Variants in PRKCA observed in about 807,000 individuals in gnomAD.
PRKCA encodes protein kinase C alpha.
Under a neutral mutation model 87.0 loss-of-function variants are expected in PRKCA, and 27 were observed. That is an observed-to-expected ratio of 0.31 (90% CI 0.23 to 0.43). The LOEUF is 0.43. Among genes scored for constraint, PRKCA ranks in the 20% least tolerant of loss-of-function variants. The pLI, the probability that PRKCA is intolerant of heterozygous loss-of-function variation, is 1.00. For synonymous variants in PRKCA, 329 were observed against 311.1 expected (o/e 1.06, Z -0.61); for missense variants, 518 against 852.3 (o/e 0.61, Z 4.88).
At chr17:66,664,296 A>G (rs1180384607) in intron 5 of PRKCA, among the ~76,000 whole-genome samples, 1 of 152,126 alleles carries the variant, frequency 6.6e-6, no homozygotes, top group Admixed American at 6.5e-5. Context: ...CCAAGGCCCA[A>G]AGACCACCAA....
chr17:66,762,900 C>T (rs943868960), intron 13 of PRKCA, among the ~76,000 whole-genome samples: 17 of 152,232 alleles, frequency 1.1e-4, no homozygotes, highest in East Asian at 5.8e-4. Context: ...AAGCGATTCT[C>T]CTGCCTCAGC....
intron 5 of PRKCA, among the ~76,000 whole-genome samples, chr17:66,658,596 T>C (rs1971802094): frequency 6.6e-6 from 1 of 152,164 alleles, no homozygotes; most frequent in Admixed American, 6.5e-5. Context: ...CAAGGTGAGA[T>C]TTGGGTGGGG....
intron 2 of PRKCA, among the ~76,000 whole-genome samples, chr17:66,478,460 G>A (rs1915629711): frequency 6.6e-6 from 1 of 152,042 alleles, no homozygotes; most frequent in Admixed American, 6.6e-5. Flanking sequence ...CACCATGTTG[G>A]TCAGGCTGGT....
In PRKCA at chr17:66,493,446, G is replaced by A. The variant is rs189099632; in HGVS notation, c.206-2755G>A. 2.0e-4 allele frequency among the ~76,000 whole-genome samples: 30 copies of A among 152,038 alleles called. No individual in the cohort carries two copies. In the South Asian group the frequency reaches 2.9e-3, roughly 15 times the overall value. Reference sequence around the variant, plus strand: ...GCATATGACATGATGAAAGGACGGGGGGCTGTGGTGTCCAGCAACTCTTAG... The same window carrying A: ...GCATATGACATGATGAAAGGACGGGAGGCTGTGGTGTCCAGCAACTCTTAG... On this transcript the variant is annotated intron_variant, in intron 2 of 16. Transcript: ENST00000413366.
chr17:66,737,938 C>G (rs4287604), intron 10 of PRKCA, among the ~76,000 whole-genome samples: 34,713 of 152,160 alleles, frequency 0.23, 4,597 homozygotes, highest in Middle Eastern at 0.32. Context: ...GCTATTAGCA[C>G]CAGCTTCATC....
intron 3 of PRKCA, among the ~76,000 whole-genome samples, chr17:66,618,737 T>A (rs1567935340): frequency 6.6e-6 from 1 of 152,204 alleles, no homozygotes; most frequent in Non-Finnish European, 1.5e-5. Context: ...ATGTTCAAAT[T>A]CTGTACTACA....
chr17:66,302,668 C>A lies in PRKCA; in HGVS notation c.-184C>A. 1 of 206,130 alleles carries A rather than the reference C, an allele frequency of 4.9e-6. No individual in the cohort carries two copies. The highest frequency in any genetic ancestry group is 1.5e-4 in the South Asian group (1 of 6,682). The allele number at this position is 206,130 out of a possible 1,614,324, so 12.8% of individuals were successfully genotyped here. ...AGCGGCTCCGGCTCCCGCTCCCGCT[C>A]CGCGCAGCACCAGCCCGACTCTCCC... On this transcript the variant is annotated 5_prime_UTR_variant, in exon 1 of 17. Coordinates refer to ENST00000413366, the MANE Select transcript of PRKCA (RefSeq NM_002737.3).
At chr17:66,481,968 G>A (rs1915795754) in intron 2 of PRKCA, among the ~76,000 whole-genome samples, 2 of 151,844 alleles carry the variant, frequency 1.3e-5, no homozygotes, top group South Asian at 4.2e-4. Context: ...GGGTGCGGTG[G>A]TGGGCACCTG....
At chr17:66,717,798 C>T (rs1258694846) in intron 8 of PRKCA, among the ~76,000 whole-genome samples, 5 of 152,308 alleles carry the variant, frequency 3.3e-5, no homozygotes, top group African/African-American at 4.8e-5. Flanking sequence ...CCCAGGGACC[C>T]TTCTGTGGCT....
At chr17:66,568,646 T>C (rs1968970275) in intron 3 of PRKCA, among the ~76,000 whole-genome samples, 1 of 152,190 alleles carries the variant, frequency 6.6e-6, no homozygotes, top group African/African-American at 2.4e-5. Context: ...GAGAAGTACA[T>C]AAACAGTTCA....
chr17:66,696,896 A>G (rs1369867084), intron 8 of PRKCA, among the ~76,000 whole-genome samples: 4 of 151,896 alleles, frequency 2.6e-5, no homozygotes, highest in African/African-American at 4.8e-5. Flanking sequence ...CGTGATCGAG[A>G]GCTTTGGCAT....
At chr17:66,639,908 T>G (rs1971245051) in intron 3 of PRKCA, among the ~76,000 whole-genome samples, 1 of 151,962 alleles carries the variant, frequency 6.6e-6, no homozygotes, top group African/African-American at 2.4e-5. Flanking sequence ...GACAGGAGAA[T>G]CGCTTGAACC....
At chr17:66,522,288 G>A (rs1259118456) in intron 3 of PRKCA, among the ~76,000 whole-genome samples, 3 of 152,204 alleles carry the variant, frequency 2.0e-5, no homozygotes, top group African/African-American at 7.2e-5. Flanking sequence ...GAACACCAGT[G>A]TTTTATAATG....
chr17:66,467,329 G>A (rs918280629), intron 2 of PRKCA, among the ~76,000 whole-genome samples: 1 of 152,202 alleles, frequency 6.6e-6, no homozygotes, highest in Non-Finnish European at 1.5e-5. Context: ...ATGTCGTGTA[G>A]CTAACCTCAG....
In PRKCA at chr17:66,804,515, G is replaced by C. The variant is rs548780449; in HGVS notation, c.*478G>C. The C allele has an allele frequency of 6.5e-6, 1 of 153,642 alleles. No homozygotes were observed. The highest frequency in any genetic ancestry group is 2.4e-5 in the African/African-American group (1 of 41,456). 9.5% of individuals were successfully genotyped at this position (153,642 alleles called of 1,614,324 possible). On this transcript the variant is annotated 3_prime_UTR_variant, in exon 17 of 17. Transcript: ENST00000413366. ...CAGGGAGGGATTGGGGGTGGGGGAGGCCTCAAAATACCGACTGCGTCCATT... is the reference window on the plus strand; with the variant it reads ...CAGGGAGGGATTGGGGGTGGGGGAGCCCTCAAAATACCGACTGCGTCCATT...
At chr17:66,667,963 T>C (rs1323481356) in intron 5 of PRKCA, among the ~76,000 whole-genome samples, 1 of 152,224 alleles carries the variant, frequency 6.6e-6, no homozygotes, top group East Asian at 1.9e-4. Flanking sequence ...CGATCAAGAC[T>C]GGCAAACCAC....
At chr17:66,531,100 C>T (rs1022477621) in intron 3 of PRKCA, among the ~76,000 whole-genome samples, 8 of 152,166 alleles carry the variant, frequency 5.3e-5, no homozygotes, top group Non-Finnish European at 1.0e-4. Context: ...TTTGCTCCAT[C>T]GGTAGTCTCT....
At chr17:66,343,889 A>C (rs1907196712) in intron 2 of PRKCA, among the ~76,000 whole-genome samples, 1 of 152,068 alleles carries the variant, frequency 6.6e-6, no homozygotes, top group African/African-American at 2.4e-5. Context: ...CTTCATTTTA[A>C]AATTGATAGC....
chr17:66,681,566 T>A (rs1423444984), intron 5 of PRKCA, among the ~76,000 whole-genome samples: 1 of 152,172 alleles, frequency 6.6e-6, no homozygotes, highest in African/African-American at 2.4e-5. Flanking sequence ...CTTCTAATGC[T>A]TTGCGTATAT....
Sources: allele counts gnomAD v4.1 joint callset (sites outside exome capture counted in the v4.1 genomes callset), GRCh38; gene constraint gnomAD v4.1.1; transcripts MANE v1.5; gene names NCBI Gene and HGNC (gene_info 2026-07-23, HGNC 2026-07-21).